LINGO2: variants seen among roughly 807,000 people sequenced by gnomAD.
The protein encoded by LINGO2 is leucine rich repeat and Ig domain containing 2, also known as leucine-rich repeat and immunoglobulin-like domain-containing nogo receptor-interacting protein 2.
In LINGO2, 14 loss-of-function variants were observed where a neutral mutation model predicts 30.6. The observed-to-expected ratio is 0.46, with a 90% CI of 0.30 to 0.72. LINGO2 has a LOEUF of 0.72. LINGO2 is among the 30% of genes least tolerant of loss of function. LINGO2 has a pLI of 0.07. For synonymous variants in LINGO2, 317 were observed against 288.5 expected, an observed-to-expected ratio of 1.10 and a Z score of -1.00; for missense variants, 729 against 751.7, an observed-to-expected ratio of 0.97 and a Z score of 0.35.
chr9:28,048,172 G>T (rs1824510947), intron 4 of LINGO2, among the ~76,000 whole-genome samples: 1 of 150,654 alleles, frequency 6.6e-6, no homozygotes, highest in East Asian at 2.0e-4. Context: ...ATTTAATAAG[G>T]ATTAAAATAT....
the LINGO2 span, among the ~76,000 whole-genome samples, chr9:29,041,508 T>C: frequency 6.6e-6 from 1 of 151,942 alleles, no homozygotes; most frequent in Non-Finnish European, 1.5e-5. Context: ...CAATGCAACA[T>C]AGTAGAAAAC....
chr9:28,976,656 A>G, the LINGO2 span, among the ~76,000 whole-genome samples: 1 of 152,128 alleles, frequency 6.6e-6, no homozygotes, highest in Non-Finnish European at 1.5e-5. Context: ...CAAAACACTG[A>G]TAGGATAGGA....
the LINGO2 span, among the ~76,000 whole-genome samples, chr9:28,755,118 A>T: frequency 6.6e-6 from 1 of 152,154 alleles, no homozygotes; most frequent in African/African-American, 2.4e-5. Flanking sequence ...AAATACTGTA[A>T]AATACTTAAA....
Position 28,070,860 on chromosome 9 carries a change from AGTAATCAT to A in LINGO2, c.-86-58463_-86-58456del. Among the ~76,000 whole-genome samples the A allele has an allele frequency of 2.0e-5, 3 of 152,244 alleles. No homozygotes were observed. The East Asian group carries it at 5.8e-4, about 29-fold the overall frequency. On this transcript the variant is annotated intron_variant, in intron 4 of 5. Coordinates refer to ENST00000379992, the Ensembl canonical transcript of LINGO2. ...CCCAAGTAGCTGGGACTACAGCATG[AGTAATCAT>A]GTCTGCCTATTTTTTAAAATTCTTA...
At chr9:28,174,268 A>G (rs1209272426) in intron 4 of LINGO2, among the ~76,000 whole-genome samples, 1 of 152,230 alleles carries the variant, frequency 6.6e-6, no homozygotes, top group East Asian at 1.9e-4. Flanking sequence ...TAAAGGTTTA[A>G]TAAAATAAAT....
intron 4 of LINGO2, among the ~76,000 whole-genome samples, chr9:28,143,530 C>T (rs1464019718): frequency 6.6e-6 from 1 of 152,020 alleles, no homozygotes; most frequent in East Asian, 1.9e-4. Flanking sequence ...GGAAAATGGG[C>T]AAATGGGCTT....
At chr9:28,245,271 A>C (rs149564405) in intron 4 of LINGO2, among the ~76,000 whole-genome samples, 1 of 152,190 alleles carries the variant, frequency 6.6e-6, no homozygotes. Context: ...CAGGTTAAAA[A>C]CTCTCAATAA....
At chr9:28,805,470 T>A in the LINGO2 span, among the ~76,000 whole-genome samples, 1 of 152,172 alleles carries the variant, frequency 6.6e-6, no homozygotes, top group Admixed American at 6.5e-5. Context: ...TCCATGAATG[T>A]AACAGCCAGA....
chr9:29,023,280 T>G, the LINGO2 span, among the ~76,000 whole-genome samples: 1 of 152,072 alleles, frequency 6.6e-6, no homozygotes. Flanking sequence ...AAAATTAATA[T>G]GGAATTTATT....
chr9:28,967,339 A>C, the LINGO2 span, among the ~76,000 whole-genome samples: 2 of 152,166 alleles, frequency 1.3e-5, no homozygotes, highest in African/African-American at 4.8e-5. Flanking sequence ...CAATATTGTA[A>C]GGAAAAGTCA....
chr9:28,478,212 A>C (rs1825800026), intron 1 of LINGO2, among the ~76,000 whole-genome samples: 1 of 152,174 alleles, frequency 6.6e-6, no homozygotes, highest in Non-Finnish European at 1.5e-5. Context: ...CAGGACATAT[A>C]TATTGATTTT....
At chr9:28,368,563 A>C (rs1016189169) in intron 3 of LINGO2, among the ~76,000 whole-genome samples, 2 of 149,644 alleles carry the variant, frequency 1.3e-5, no homozygotes, top group African/African-American at 4.9e-5. Context: ...TTTTCATTAG[A>C]GTGCCTTCTT....
chr9:28,822,411 G>C, the LINGO2 span, among the ~76,000 whole-genome samples: 8 of 152,142 alleles, frequency 5.3e-5, no homozygotes, highest in East Asian at 5.8e-4. Flanking sequence ...ATGTATGATG[G>C]TCAATACAGA....
At chr9:29,046,113 T>G in the LINGO2 span, among the ~76,000 whole-genome samples, 7 of 152,202 alleles carry the variant, frequency 4.6e-5, no homozygotes, top group African/African-American at 7.2e-5. Context: ...TCTTCCTATT[T>G]GGATGCCTTT....
At chr9:29,153,572 ATAT>A in the LINGO2 span, among the ~76,000 whole-genome samples, 2 of 152,224 alleles carry the variant, frequency 1.3e-5, no homozygotes, top group Admixed American at 6.5e-5. Context: ...CTAAAAATAG[ATAT>A]TATATCTTGT....
chr9:28,502,651 A>T (rs1231196657), intron 1 of LINGO2, among the ~76,000 whole-genome samples: 1 of 152,104 alleles, frequency 6.6e-6, no homozygotes, highest in African/African-American at 2.4e-5. Flanking sequence ...TTATAGTGAC[A>T]TTTGTTATTC....
chr9:29,057,901 G>A, the LINGO2 span, among the ~76,000 whole-genome samples: 6 of 152,166 alleles, frequency 3.9e-5, no homozygotes, highest in African/African-American at 2.4e-5. Flanking sequence ...CCTAAAGAAC[G>A]CTATATCTGT....
At chr9:28,525,790 T>A (rs901674372) in intron 1 of LINGO2, among the ~76,000 whole-genome samples, 1 of 152,136 alleles carries the variant, frequency 6.6e-6, no homozygotes, top group African/African-American at 2.4e-5. Context: ...GCGCAGTGGC[T>A]CACGCCTGTA....
At chr9:28,573,677 A>G (rs2135602476) in intron 1 of LINGO2, among the ~76,000 whole-genome samples, 1 of 152,294 alleles carries the variant, frequency 6.6e-6, no homozygotes, top group Non-Finnish European at 1.5e-5. Context: ...TTTTATAGCC[A>G]GAAATAGTCG....
Sources: gnomAD v4.1 joint callset for allele counts (sites outside exome capture counted in the v4.1 genomes callset) on GRCh38, gnomAD v4.1.1 for gene constraint, MANE v1.5 for transcripts, NCBI Gene and HGNC (gene_info 2026-07-23, HGNC 2026-07-21) for gene names.